CCSER1: variants seen among roughly 807,000 people sequenced by gnomAD.
CCSER1 encodes coiled-coil serine rich protein 1.
Under a neutral mutation model 82.0 loss-of-function variants are expected in CCSER1, and 41 were observed. The ratio of observed to expected loss-of-function variants is 0.50; its 90% CI spans 0.39 to 0.65. CCSER1 has a LOEUF of 0.65. Ranked by LOEUF, CCSER1 falls within the 30% of genes least tolerant of loss-of-function variation. CCSER1 has a pLI of 0.00. For missense variants in CCSER1, 1,119 were observed against 1,064.2 expected, an observed-to-expected ratio of 1.05 and a Z score of -0.72; for synonymous variants, 414 against 383.9, an observed-to-expected ratio of 1.08 and a Z score of -0.92.
At chr4:91,583,783 T>C (rs983216831) in intron 10 of CCSER1, among the ~76,000 whole-genome samples, 3 of 151,590 alleles carry the variant, frequency 2.0e-5, no homozygotes, top group Non-Finnish European at 3.0e-5. Flanking sequence ...TCCTGTGAGA[T>C]AGAAGAGATG....
At chr4:90,361,715 A>G (rs1188380898) in intron 3 of CCSER1, among the ~76,000 whole-genome samples, 1 of 152,120 alleles carries the variant, frequency 6.6e-6, no homozygotes, top group Non-Finnish European at 1.5e-5. Context: ...CATGTACCCA[A>G]TGTTTTGCTG....
intron 6 of CCSER1, among the ~76,000 whole-genome samples, chr4:90,667,437 G>T (rs1341181773): frequency 6.6e-6 from 1 of 152,022 alleles, no homozygotes; most frequent in Non-Finnish European, 1.5e-5. Context: ...GCGGTTTGCT[G>T]CACCCATCAA....
chr4:91,528,017 C>G (rs997936322), intron 10 of CCSER1, among the ~76,000 whole-genome samples: 7 of 152,172 alleles, frequency 4.6e-5, no homozygotes, highest in Non-Finnish European at 7.4e-5. Flanking sequence ...CAGGATCGAA[C>G]GATTCTCATG....
chr4:90,726,582 A>T (rs1053318908), intron 7 of CCSER1, among the ~76,000 whole-genome samples: 5 of 152,154 alleles, frequency 3.3e-5, no homozygotes, highest in Non-Finnish European at 5.9e-5. Context: ...CAACTTTGTT[A>T]GTATTGGAGC....
intron 9 of CCSER1, among the ~76,000 whole-genome samples, chr4:91,083,820 A>G (rs1723073589): frequency 6.6e-6 from 1 of 152,132 alleles, no homozygotes; most frequent in South Asian, 2.1e-4. Flanking sequence ...ACCAAGAGAA[A>G]AGGAGGTTTT....
chr4:91,395,074 G>C (rs1488641131), intron 10 of CCSER1, among the ~76,000 whole-genome samples: 1 of 151,958 alleles, frequency 6.6e-6, no homozygotes, highest in Non-Finnish European at 1.5e-5. Context: ...ATTTTTGAAA[G>C]ATGAAACTTT....
At chr4:90,229,822 T>C (rs1210637908) in intron 1 of CCSER1, among the ~76,000 whole-genome samples, 6 of 152,136 alleles carry the variant, frequency 3.9e-5, no homozygotes, top group South Asian at 2.1e-4. Flanking sequence ...GTTGCAATCC[T>C]AGTCTCTGAT....
At chr4:91,152,881 G>T (rs1730387725) in intron 10 of CCSER1, among the ~76,000 whole-genome samples, 1 of 151,884 alleles carries the variant, frequency 6.6e-6, no homozygotes, top group Admixed American at 6.6e-5. Context: ...TTTCTGCCGA[G>T]GGATCCGCTG....
At chr4:91,093,209 G>A (rs1477618061) in intron 10 of CCSER1, among the ~76,000 whole-genome samples, 1 of 152,156 alleles carries the variant, frequency 6.6e-6, no homozygotes, top group Non-Finnish European at 1.5e-5. Context: ...CGCATATCCT[G>A]CGCATCTTTC....
chr4:91,314,863 C>A (rs1026939783), intron 10 of CCSER1, among the ~76,000 whole-genome samples: 4 of 151,872 alleles, frequency 2.6e-5, no homozygotes, highest in Non-Finnish European at 4.4e-5. Context: ...CCCTCAGAAG[C>A]AGGGCTCCCT....
At chr4:90,778,370 G>T (rs533925931) in intron 7 of CCSER1, among the ~76,000 whole-genome samples, 1 of 152,210 alleles carries the variant, frequency 6.6e-6, no homozygotes, top group South Asian at 2.1e-4. Context: ...TACTGGAGAA[G>T]ATTAATTTGA....
chr4:91,141,288 G>T (rs1729003209), intron 10 of CCSER1, among the ~76,000 whole-genome samples: 1 of 151,918 alleles, frequency 6.6e-6, no homozygotes, highest in Admixed American at 6.6e-5. Flanking sequence ...TGAGTAGTTG[G>T]AATTACAGGC....
intron 10 of CCSER1, among the ~76,000 whole-genome samples, chr4:91,534,486 A>G (rs1761198587): frequency 1.3e-5 from 2 of 152,024 alleles, no homozygotes; most frequent in South Asian, 4.1e-4. Context: ...TTCATGAAAA[A>G]TCTTTGTGCT....
chr4:90,634,305 C>A (rs559359898), intron 6 of CCSER1, among the ~76,000 whole-genome samples: 8 of 151,716 alleles, frequency 5.3e-5, no homozygotes, highest in African/African-American at 1.9e-4. Context: ...TTGCAAAAGA[C>A]CCGCCATTGA....
intron 10 of CCSER1, among the ~76,000 whole-genome samples, chr4:91,552,254 G>A (rs1762193079): frequency 6.6e-6 from 1 of 151,594 alleles, no homozygotes; most frequent in Non-Finnish European, 1.5e-5. Context: ...GCTGATAAAT[G>A]TAATGAATAA....
At chr4:90,722,358 CAA>C (rs1010002844) in intron 6 of CCSER1, among the ~76,000 whole-genome samples, 12 of 151,888 alleles carry the variant, frequency 7.9e-5, no homozygotes, top group Middle Eastern at 3.4e-3. Flanking sequence ...AGATTTAGCT[CAA>C]GAGTCTTTTT....
At chr4:90,714,029 G>T (rs929035393) in intron 6 of CCSER1, among the ~76,000 whole-genome samples, 4 of 151,848 alleles carry the variant, frequency 2.6e-5, no homozygotes. Context: ...TTCAGTCCCA[G>T]TATGAGAACC....
intron 7 of CCSER1, among the ~76,000 whole-genome samples, chr4:90,754,461 A>G (rs184496232): frequency 2.6e-5 from 4 of 152,160 alleles, no homozygotes; most frequent in African/African-American, 9.6e-5. Flanking sequence ...TATCTGGTCA[A>G]AACATCCTTT....
At chr4:90,165,162 A>C (rs1050753953) in intron 1 of CCSER1, among the ~76,000 whole-genome samples, 1 of 152,046 alleles carries the variant, frequency 6.6e-6, no homozygotes, top group African/African-American at 2.4e-5. Flanking sequence ...AGTTGATAGA[A>C]GCTTCTCTGA....
Sources: allele counts gnomAD v4.1 joint callset (sites outside exome capture counted in the v4.1 genomes callset), GRCh38; gene constraint gnomAD v4.1.1; transcripts MANE v1.5; gene names NCBI Gene and HGNC (gene_info 2026-07-23, HGNC 2026-07-21).